The following EBF3 variants were observed in gnomAD, a reference collection of about 807,000 sequenced individuals.
The protein encoded by EBF3 is EBF transcription factor 3, also known as transcription factor COE3.
In EBF3, 18 loss-of-function variants were observed where a neutral mutation model predicts 77.1. The ratio of observed to expected loss-of-function variants is 0.23; its 90% CI spans 0.16 to 0.35. The LOEUF is 0.35. EBF3 is among the 10% of genes least tolerant of loss of function. The pLI, the probability that EBF3 is intolerant of heterozygous loss-of-function variation, is 1.00. For synonymous variants in EBF3, 350 were observed against 343.5 expected (o/e 1.02, Z -0.21); for missense variants, 558 against 860.0 (o/e 0.65, Z 4.39).
At chr10:129,849,663 AG>A (rs770127903) in intron 10 of EBF3, among the ~76,000 whole-genome samples, 1 of 152,234 alleles carries the variant, frequency 6.6e-6, no homozygotes, top group Non-Finnish European at 1.5e-5. Flanking sequence ...TGCGCCCGAA[AG>A]TTGAGGACCA....
chr10:129,873,552 G>A lies in EBF3; in HGVS notation c.681C>T (p.Ala227=), dbSNP rs150383257. The A allele has an allele frequency of 9.6e-5, 152 of 1,583,398 alleles. No individual in the cohort carries two copies. Among genetic ancestry groups the A allele is most frequent in the Admixed American group, 4.4e-4 (25 of 56,810 alleles). Residue 227 remains alanine, a synonymous_variant, in exon 8 of 17, where the codon GCC becomes GCT. Coordinates refer to ENST00000440978, the MANE Select transcript of EBF3 (RefSeq NM_001375380.1). ...TTVNVDGHVL[A]VSDNMFVHNN... is the part of the protein sequence containing the mutation. The stretch of plus-strand genomic sequence containing the variant: ...TGTGCACAAACATGTTGTCTGACAC[G>A]GCCAGCACGTGGCCGTCCACGTTGA...
intron 6 of EBF3, among the ~76,000 whole-genome samples, chr10:129,919,591 G>A (rs982972884): frequency 4.6e-5 from 7 of 152,186 alleles, no homozygotes; most frequent in South Asian, 4.1e-4. Flanking sequence ...TGCCCCAGGC[G>A]TTGCCCTTGG....
intron 6 of EBF3, among the ~76,000 whole-genome samples, chr10:129,878,839 A>AGAAAAG (rs1554904695): frequency 3.4e-5 from 5 of 146,836 alleles, no homozygotes; most frequent in Admixed American, 6.9e-5. Context: ...AAAAAAAAAA[A>AGAAAAG]AAAAAAATCT....
Position 129,963,552 on chromosome 10 carries a change from T to G in EBF3, c.135-29A>C, listed in dbSNP as rs1859699238. ...CGGGAGGAAAGAGACAGCGGCCCGG[T>G]GAGGAGCGCGGCGCCGGCCGGCGGA... On this transcript the variant is annotated intron_variant, in intron 1 of 16. Coordinates refer to ENST00000440978, the MANE Select transcript of EBF3 (RefSeq NM_001375380.1). This position sits in a 1 kb window ranked among gnomAD's most constrained non-coding sequence, Gnocchi z 7.1. The G allele has an allele frequency of 7.0e-7, 1 of 1,430,228 alleles. No homozygotes were observed. Among genetic ancestry groups the G allele is most frequent in the African/African-American group, 1.5e-5 (1 of 66,348 alleles). 88.6% of individuals were successfully genotyped at this position (1,430,228 alleles called of 1,614,324 possible).
intron 10 of EBF3, among the ~76,000 whole-genome samples, chr10:129,853,667 C>T (rs529045682): frequency 4.6e-5 from 7 of 152,250 alleles, no homozygotes; most frequent in East Asian, 1.9e-4. Flanking sequence ...GACTGCAAGC[C>T]GTCAGTGTGC....
At chr10:129,846,600 G>C (rs1305283026) in intron 11 of EBF3, among the ~76,000 whole-genome samples, 2 of 151,546 alleles carry the variant, frequency 1.3e-5, no homozygotes, top group Non-Finnish European at 2.9e-5. Flanking sequence ...TTTTACTTAG[G>C]ACCCACTCTG....
chr10:129,858,116 C>G (rs1322757906), intron 10 of EBF3, among the ~76,000 whole-genome samples: 1 of 152,188 alleles, frequency 6.6e-6, no homozygotes, highest in African/African-American at 2.4e-5. Context: ...CACAGCAAAG[C>G]CAGGGCATGG....
rs368577525 is a variant in EBF3 at position 129,848,369 on chromosome 10, G to T, written c.1128+23C>A. On this transcript the variant is annotated intron_variant, in intron 11 of 16. Coordinates refer to ENST00000440978, the MANE Select transcript of EBF3 (RefSeq NM_001375380.1). This position sits in a 1 kb window ranked among gnomAD's most constrained non-coding sequence, Gnocchi z 4.4. ...CAGTGGCGGCCCCACCATGAGCGGG[G>T]TGCCACTTGCTCTTTTACTAACCTT... 5 of 1,612,194 alleles carry T rather than the reference G, an allele frequency of 3.1e-6. No homozygotes were observed. The highest frequency in any genetic ancestry group is 4.2e-6 in the Non-Finnish European group (5 of 1,178,308).
intron 6 of EBF3, among the ~76,000 whole-genome samples, chr10:129,899,448 G>A (rs899826724): frequency 3.9e-5 from 6 of 152,224 alleles, no homozygotes; most frequent in African/African-American, 1.4e-4. Context: ...GGCAGAGGCC[G>A]GCGCCCTGGA....
intron 6 of EBF3, among the ~76,000 whole-genome samples, chr10:129,933,122 C>T (rs902465976): frequency 6.6e-6 from 1 of 152,124 alleles, no homozygotes; most frequent in Non-Finnish European, 1.5e-5. Flanking sequence ...GATTGATGGA[C>T]GTGGAGGAGG....
chr10:129,904,640 A>C (rs1320718360), intron 6 of EBF3, among the ~76,000 whole-genome samples: 1 of 151,696 alleles, frequency 6.6e-6, no homozygotes, highest in Non-Finnish European at 1.5e-5. Flanking sequence ...GGATGGATGG[A>C]TGGATGGATG....
At chr10:129,838,028 G>A (rs538766718) in intron 16 of EBF3, 68 bp from the exon 17 acceptor site, 41 of 1,578,824 alleles carry the variant, frequency 2.6e-5, no homozygotes, top group South Asian at 4.4e-5. Context: ...ACGCTGACGC[G>A]GGCGGGGCTG....
intron 11 of EBF3, among the ~76,000 whole-genome samples, chr10:129,843,857 A>T (rs149571683): frequency 6.6e-6 from 1 of 152,310 alleles, no homozygotes; most frequent in East Asian, 1.9e-4. Flanking sequence ...ACATTCCGAG[A>T]GTGTGCGCGC....
intron 6 of EBF3, among the ~76,000 whole-genome samples, chr10:129,953,268 AAAT>A (rs1858806809): frequency 1.3e-5 from 2 of 152,206 alleles, no homozygotes; most frequent in African/African-American, 4.8e-5. Flanking sequence ...AAGGTTAAGC[AAAT>A]AATATTTCCC....
At position 129,839,178 on chromosome 10, in the gene EBF3, C is replaced by T; in HGVS notation, c.1777G>A (p.Glu593Lys). ...TTTGTCTTCTCCGCGGCTACGTCCTCAGCACCCAGCAGAGAGCCTGGTACA... is the reference window on the plus strand; with the variant it reads ...TTTGTCTTCTCCGCGGCTACGTCCTTAGCACCCAGCAGAGAGCCTGGTACA... ...NGLQGSLLGA[E>K]DVAAEKTNWP... The change falls in exon 16 of 17, where the codon GAG (glutamate) becomes AAG (lysine). Residue 593 changes from glutamate to lysine, a missense_variant. Coordinates refer to ENST00000440978, the MANE Select transcript of EBF3 (RefSeq NM_001375380.1). 1 of 1,294,284 alleles carries T rather than the reference C, an allele frequency of 7.7e-7. No individual in the cohort carries two copies. The highest frequency in any genetic ancestry group is 1.0e-6 in the Non-Finnish European group (1 of 979,834). 80.2% of individuals were successfully genotyped at this position (1,294,284 alleles called of 1,614,324 possible).
rs141166697 is a variant in EBF3 at position 129,912,134 on chromosome 10, G to A, written c.555-34285C>T. On this transcript the variant is annotated intron_variant, in intron 6 of 16. Transcript: ENST00000440978. ...AGTACAAAAGTTGGGGGAGGTCCTC[G>A]CGCACCAAGAATTTCACCTAAACTG... Among the ~76,000 whole-genome samples the A allele has an allele frequency of 1.6e-3, 247 of 152,226 alleles. 3 individuals are homozygous for A. The highest frequency in any genetic ancestry group is 5.4e-3 in the African/African-American group (226 of 41,532).
At chr10:129,948,403 G>T (rs1240474806) in intron 6 of EBF3, among the ~76,000 whole-genome samples, 3 of 152,124 alleles carry the variant, frequency 2.0e-5, no homozygotes, top group Non-Finnish European at 4.4e-5. Flanking sequence ...GTTCAGGAAA[G>T]GGGGAGGGGT....
At chr10:129,866,980 G>C (rs1852062612) in intron 10 of EBF3, among the ~76,000 whole-genome samples, 161 bp downstream of exon 10, 1 of 152,250 alleles carries the variant, frequency 6.6e-6, no homozygotes, top group Non-Finnish European at 1.5e-5. Flanking sequence ...CAAAGATGTG[G>C]AAACTGCATA....
chr10:129,932,050 G>C (rs10764921), intron 6 of EBF3, among the ~76,000 whole-genome samples: 122,990 of 152,076 alleles, frequency 0.81, 50,186 homozygotes, highest in East Asian at 0.96. Flanking sequence ...GGCTTGGTCC[G>C]CTCTCTCCTT....
Sources: allele counts gnomAD v4.1 joint callset (sites outside exome capture counted in the v4.1 genomes callset), GRCh38; gene constraint gnomAD v4.1.1; non-coding constraint Gnocchi (gnomAD v3.1); transcripts MANE v1.5; gene names NCBI Gene and HGNC (gene_info 2026-07-23, HGNC 2026-07-21).